CNTN1: variants seen among roughly 807,000 people sequenced by gnomAD.
CNTN1 encodes contactin-1.
A neutral mutation model predicts 126.4 loss-of-function variants in CNTN1; 38 were observed. That is an observed-to-expected ratio of 0.30 (90% CI 0.23 to 0.39). The LOEUF (loss-of-function observed/expected upper bound fraction) is 0.39. Ranked by LOEUF, CNTN1 falls within the 10% of genes least tolerant of loss-of-function variation. The pLI is 1.00. For synonymous variants in CNTN1, 413 were observed against 422.6 expected (o/e 0.98, Z 0.28); for missense variants, 1,009 against 1,248.4 (o/e 0.81, Z 2.89).
At chr12:40,920,538 C>G (rs1383542161) in intron 4 of CNTN1, among the ~76,000 whole-genome samples, 1 of 152,002 alleles carries the variant, frequency 6.6e-6, no homozygotes, top group African/African-American at 2.4e-5. Flanking sequence ...AAAAAATCAG[C>G]TCATGATGGA....
chr12:40,933,474 A>G lies in CNTN1; in HGVS notation c.717A>G (p.Pro239=). The part of the protein sequence containing the change: ...LIPIPERTTK[P]YPADIVVQFK... ...TCTTAATATTAGGAACAACAAAACC[A>G]TATCCTGCTGATATTGTAGTTCAGT... The change falls in exon 8 of 24, where the codon CCA becomes CCG. Residue 239 remains proline, a synonymous_variant. Transcript: ENST00000551295. 6.2e-7 allele frequency: 1 copy of G among 1,607,326 alleles called. No individual in the cohort carries two copies.
chr12:40,766,611 C>T (rs1939109146), intron 1 of CNTN1, among the ~76,000 whole-genome samples: 1 of 152,094 alleles, frequency 6.6e-6, no homozygotes, highest in African/African-American at 2.4e-5. Context: ...TCTTGATCAA[C>T]TTATCTGATG....
chr12:40,900,285 A>C (rs1480420229), intron 1 of CNTN1, among the ~76,000 whole-genome samples: 1 of 152,248 alleles, frequency 6.6e-6, no homozygotes, highest in Non-Finnish European at 1.5e-5. Context: ...TATTTATAGC[A>C]TATATTTTTA....
chr12:40,749,370 C>A (rs1023358700), intron 1 of CNTN1, among the ~76,000 whole-genome samples: 1 of 152,016 alleles, frequency 6.6e-6, no homozygotes, highest in Non-Finnish European at 1.5e-5. Context: ...AAAAATATTT[C>A]TTTTTTTATC....
chr12:40,941,452 C>T (rs1946260510), intron 12 of CNTN1, among the ~76,000 whole-genome samples: 1 of 151,880 alleles, frequency 6.6e-6, no homozygotes, highest in African/African-American at 2.4e-5. Context: ...ACAACATTTC[C>T]ACGTAACTAA....
chr12:40,729,051 G>A (rs564060973), intron 1 of CNTN1: 1 of 157,270 alleles, frequency 6.4e-6, no homozygotes, highest in East Asian at 1.8e-4. Flanking sequence ...TCCATACACT[G>A]GTAAACTTAG....
intron 14 of CNTN1, among the ~76,000 whole-genome samples, chr12:40,950,353 G>A (rs972456001): frequency 1.3e-5 from 2 of 152,148 alleles, no homozygotes; most frequent in Non-Finnish European, 2.9e-5. Flanking sequence ...ATTGTTTTGA[G>A]CATCTGAGAG....
intron 1 of CNTN1, among the ~76,000 whole-genome samples, chr12:40,741,214 C>G (rs74654884): frequency 6.6e-6 from 1 of 152,184 alleles, no homozygotes; most frequent in East Asian, 1.9e-4. Context: ...GGATAGCAAG[C>G]TGGACAGATA....
At position 40,936,924 on chromosome 12, in the gene CNTN1, T is replaced by G; in HGVS notation, c.1110+19T>G. The G allele has an allele frequency of 6.2e-7, 1 of 1,612,208 alleles. No homozygotes were observed. Among genetic ancestry groups the G allele is most frequent in the Non-Finnish European group, 8.5e-7 (1 of 1,178,696 alleles). ...ATATGCGGTATGTATGTTCAAGTGC[T>G]TTGCTGTTCCTGAGTCCCTGTTCAA... On this transcript the variant is annotated intron_variant, in intron 10 of 23. Coordinates refer to ENST00000551295, the MANE Select transcript of CNTN1 (RefSeq NM_001843.4).
chr12:40,740,158 A>T (rs891337758), intron 1 of CNTN1, among the ~76,000 whole-genome samples: 4 of 145,548 alleles, frequency 2.7e-5, no homozygotes, highest in African/African-American at 1.1e-4. Flanking sequence ...GTAATGAAAC[A>T]TGTTATAAAT....
At chr12:40,704,484 A>C (rs143691776) in intron 1 of CNTN1, among the ~76,000 whole-genome samples, 1 of 152,234 alleles carries the variant, frequency 6.6e-6, no homozygotes, top group South Asian at 2.1e-4. Flanking sequence ...TTTCATCTTC[A>C]TCTTTTTCAC....
intron 1 of CNTN1, among the ~76,000 whole-genome samples, chr12:40,834,985 G>T (rs1224909793): frequency 6.6e-6 from 1 of 152,122 alleles, no homozygotes; most frequent in South Asian, 2.1e-4. Context: ...AGGCTACGGG[G>T]ACCTGGCTGG....
At chr12:41,060,676 G>A (rs952233752) in intron 23 of CNTN1, among the ~76,000 whole-genome samples, 1 of 152,072 alleles carries the variant, frequency 6.6e-6, no homozygotes, top group Admixed American at 6.6e-5. Context: ...TAATAAACTG[G>A]CTCTGGTTGT....
At chr12:40,989,931 A>G (rs961692558) in intron 16 of CNTN1, among the ~76,000 whole-genome samples, 1 of 152,070 alleles carries the variant, frequency 6.6e-6, no homozygotes, top group Non-Finnish European at 1.5e-5. Flanking sequence ...GAGCTGGGAA[A>G]ATAGACAGAA....
intron 23 of CNTN1, among the ~76,000 whole-genome samples, chr12:41,063,227 T>C (rs1237321812): frequency 8.5e-5 from 13 of 152,210 alleles, no homozygotes; most frequent in African/African-American, 3.1e-4. Flanking sequence ...TTGCTTTTCT[T>C]GTGTTGATTA....
At chr12:40,759,602 A>G (rs1938762335) in intron 1 of CNTN1, among the ~76,000 whole-genome samples, 1 of 151,718 alleles carries the variant, frequency 6.6e-6, no homozygotes, top group Admixed American at 6.6e-5. Context: ...AGTAGCTAGG[A>G]CCACAGGCAC....
intron 4 of CNTN1, among the ~76,000 whole-genome samples, chr12:40,919,670 TTGA>T (rs1478318808): frequency 1.5e-4 from 23 of 152,274 alleles, no homozygotes; most frequent in Non-Finnish European, 2.4e-4. Flanking sequence ...TTCCACCCAT[TTGA>T]TTCTAACAGT....
chr12:40,832,339 G>T (rs953048085), intron 1 of CNTN1, among the ~76,000 whole-genome samples: 1 of 152,170 alleles, frequency 6.6e-6, no homozygotes, highest in Admixed American at 6.5e-5. Context: ...TTCCTGTTGC[G>T]TAGTGATATG....
At chr12:40,804,808 T>C (rs773416175) in intron 1 of CNTN1, among the ~76,000 whole-genome samples, 26 of 152,096 alleles carry the variant, frequency 1.7e-4, no homozygotes, top group Non-Finnish European at 2.9e-4. Flanking sequence ...AATTTTAATA[T>C]TACTTGTAAA....
Sources: allele counts gnomAD v4.1 joint callset (sites outside exome capture counted in the v4.1 genomes callset), GRCh38; gene constraint gnomAD v4.1.1; transcripts MANE v1.5; gene names NCBI Gene and HGNC (gene_info 2026-07-23, HGNC 2026-07-21).